The following TNXB variants were observed in gnomAD, a reference collection of about 807,000 sequenced individuals.
TNXB encodes the protein tenascin XB.
In TNXB, 183 loss-of-function variants were observed where a neutral mutation model predicts 340.5. The ratio of observed to expected loss-of-function variants is 0.54; its 90% CI spans 0.48 to 0.61. TNXB has a LOEUF of 0.61. Ranked by LOEUF, TNXB falls within the 20% of genes least tolerant of loss-of-function variation. TNXB has a pLI of 0.00. For synonymous variants in TNXB, 2,121 were observed against 2,314.5 expected (o/e 0.92, Z 2.40); for missense variants, 4,613 against 5,446.4 (o/e 0.85, Z 4.82).
rs1776952074 is a variant in TNXB, at chr6:32,047,249, C to T, written c.10324+485G>A. ...GAGTGGGGTGAGGGTCGGTGACCCA[C>T]CACACCCCTTCCTCAGGGAGCTGAG... On this transcript the variant is annotated intron_variant, in intron 30 of 43. Transcript: ENST00000644971. The surrounding 1 kb of genome is among the most constrained non-coding windows in gnomAD (Gnocchi z 6.2). 6.6e-6 allele frequency among the ~76,000 whole-genome samples: 1 copy of T among 152,256 alleles called. No homozygotes were observed. Among genetic ancestry groups the T allele is most frequent in the African/African-American group, 2.4e-5 (1 of 41,466 alleles).
chr6:32,093,110 T>C (rs1345598519), intron 4 of TNXB: 1 of 482,496 alleles, frequency 2.1e-6, no homozygotes, highest in African/African-American at 2.0e-5. Context: ...CAAGTGTTTA[T>C]TTTAATTCTT....
rs925903249 is a variant in TNXB at position 32,079,743 on chromosome 6, C to T, written c.4043-378G>A. On this transcript the variant is annotated intron_variant, in intron 10 of 43. Transcript: ENST00000644971. The surrounding 1 kb of genome is among the most constrained non-coding windows in gnomAD (Gnocchi z 7.1). ...CCCCACCCCTCATATGAGGATCTGA[C>T]CATGGAATGTGCTCTTGCTGTGGCC... is the stretch of plus-strand genomic sequence containing the variant. Among the ~76,000 whole-genome samples the T allele has an allele frequency of 6.6e-6, 1 of 152,190 alleles. No individual in the cohort carries two copies. Among genetic ancestry groups the T allele is most frequent in the African/African-American group, 2.4e-5 (1 of 41,430 alleles).
chr6:32,089,141 C>T lies in TNXB; in HGVS notation c.2515+82G>A. 1 of 1,568,824 alleles carries T rather than the reference C, an allele frequency of 6.4e-7. No individual in the cohort carries two copies. ...AGCCTAGCCCCCATCCAGCCCCTTC[C>T]TTCTGCCCTCCCGGAGGGCAGATTC... On this transcript the variant is annotated intron_variant, in intron 5 of 43. Coordinates refer to ENST00000644971, the MANE Select transcript of TNXB (RefSeq NM_001365276.2). The surrounding 1 kb of genome is among the most constrained non-coding windows in gnomAD (Gnocchi z 6.2).
intron 11 of TNXB, among the ~76,000 whole-genome samples, chr6:32,077,573 G>A (rs1379784727): frequency 6.6e-6 from 1 of 152,262 alleles, no homozygotes; most frequent in African/African-American, 2.4e-5. Flanking sequence ...GGGTCCCAGA[G>A]GCACTGCTGT....
At position 32,072,881 on chromosome 6, in the gene TNXB, G is replaced by C. The variant is rs1464518141; in HGVS notation, c.4682-583C>G. On this transcript the variant is annotated intron_variant, in intron 12 of 43. Coordinates refer to ENST00000644971, the MANE Select transcript of TNXB (RefSeq NM_001365276.2). This position sits in a 1 kb window ranked among gnomAD's most constrained non-coding sequence, Gnocchi z 4.4. ...CAGGAGAATTGCTTGAACTTGGGAA[G>C]CGGAGGTTGCAGTGAGCCGAGATCG... 6.6e-6 allele frequency among the ~76,000 whole-genome samples: 1 copy of C among 152,224 alleles called. No homozygotes were observed. The highest frequency in any genetic ancestry group is 1.5e-5 in the Non-Finnish European group (1 of 68,038).
Position 32,068,799 on chromosome 6 carries a change from G to A in TNXB, c.5902+23C>T, listed in dbSNP as rs1350397053. ...GGACTCTCCCAGCCATCTGAAAGGA[G>A]GCATAGTGGGCAGAGTTCTCACCTG... On this transcript the variant is annotated intron_variant, in intron 16 of 43. Coordinates refer to ENST00000644971, the MANE Select transcript of TNXB (RefSeq NM_001365276.2). The surrounding 1 kb of genome is among the most constrained non-coding windows in gnomAD (Gnocchi z 5.3). The A allele has an allele frequency of 6.3e-7, 1 of 1,594,682 alleles. No homozygotes were observed.
rs1780442053 is a variant in TNXB, at chr6:32,097,033, C to T, written c.820G>A (p.Asp274Asn). Residue 274 changes from aspartate to asparagine, a missense_variant, in exon 3 of 44, where the codon GAC (aspartate) becomes AAC (asparagine). Asp to Asn is a conservative substitution (Grantham distance 23). Coordinates refer to ENST00000644971, the MANE Select transcript of TNXB (RefSeq NM_001365276.2). The surrounding 1 kb of genome is among the most constrained non-coding windows in gnomAD (Gnocchi z 5.9). ...CVCDPGYTGD[D>N]CGMRSCPRGC... ...CGAGGGCAGCTCCTCATGCCACAGT[C>T]GTCACCAGTGTAGCCTGGGTCACAC... 7 of 1,613,660 alleles carry T rather than the reference C, an allele frequency of 4.3e-6. No individual in the cohort carries two copies. Among genetic ancestry groups the T allele is most frequent in the African/African-American group, 1.3e-5 (1 of 74,992 alleles).
Position 32,067,562 on chromosome 6 carries a change from A to T in TNXB, c.6544+99T>A. On this transcript the variant is annotated intron_variant, in intron 18 of 43. Transcript: ENST00000644971. The surrounding 1 kb of genome is among the most constrained non-coding windows in gnomAD (Gnocchi z 4.2). ...GCCTTTAGTGAACAGGGTGTATTAC[A>T]GGTTTGAGGTCTTGGGGTTCTGGGT... 7.0e-7 allele frequency: 1 copy of T among 1,437,570 alleles called. No homozygotes were observed. The highest frequency in any genetic ancestry group is 2.4e-5 in the East Asian group (1 of 41,468). The allele number at this position is 1,437,570 out of a possible 1,614,324, so 89.1% of individuals were successfully genotyped here.
rs1294184751 is a variant in TNXB, at chr6:32,080,496, C to CACTG, written c.4042+868_4042+871dup. On this transcript the variant is annotated intron_variant, in intron 10 of 43. Coordinates refer to ENST00000644971, the MANE Select transcript of TNXB (RefSeq NM_001365276.2). This position sits in a 1 kb window ranked among gnomAD's most constrained non-coding sequence, Gnocchi z 4.3. Reference sequence around the variant, plus strand: ...AAATGCTGGGATTACAGGCATGAGCCACTGTGCCTGGCCTTTCTAAGTGTT... The same window carrying CACTG: ...AAATGCTGGGATTACAGGCATGAGCCACTGACTGTGCCTGGCCTTTCTAAGTGTT... 6.6e-6 allele frequency among the ~76,000 whole-genome samples: 1 copy of CACTG among 152,236 alleles called. No homozygotes were observed. The highest frequency in any genetic ancestry group is 1.5e-5 in the Non-Finnish European group (1 of 68,044).
rs976027241 is a variant in TNXB at position 32,085,235 on chromosome 6, C to T, written c.3148+515G>A. 6.6e-6 allele frequency among the ~76,000 whole-genome samples: 1 copy of T among 152,118 alleles called. No individual in the cohort carries two copies. The highest frequency in any genetic ancestry group is 1.5e-5 in the Non-Finnish European group (1 of 68,036). On this transcript the variant is annotated intron_variant, in intron 7 of 43. Coordinates refer to ENST00000644971, the MANE Select transcript of TNXB (RefSeq NM_001365276.2). This position sits in a 1 kb window ranked among gnomAD's most constrained non-coding sequence, Gnocchi z 6.4. The stretch of plus-strand genomic sequence containing the variant: ...GTCTGAAGTCCTGATGGCTGTGGAG[C>T]CCCCTGCCCCAAGGAGCCTTCACCC...
chr6:32,079,839 A>G lies in TNXB; in HGVS notation c.4043-474T>C, dbSNP rs1176510986. On this transcript the variant is annotated intron_variant, in intron 10 of 43. Transcript: ENST00000644971. This position sits in a 1 kb window ranked among gnomAD's most constrained non-coding sequence, Gnocchi z 7.1. ...GAATTGCTAAGGCAGGGCTCCAGGC[A>G]TGAGTGGGAGAAAAATTCTGGGGTG... Among the ~76,000 whole-genome samples, 4 of 152,068 alleles carry G rather than the reference A, an allele frequency of 2.6e-5. No homozygotes were observed. In the East Asian group the frequency reaches 7.7e-4, roughly 29 times the overall value.
rs1035272644 is a variant in TNXB, at chr6:32,052,690, A to G, written c.9095T>C (p.Val3032Ala). ...CTCACCTGTCACACCCACAGCGGAC[A>G]CTGGGCCCACGCGCTGCCCCTCGTG... ...GLHEGQRVGP[V>A]SAVGVTAPKD... The change falls in exon 26 of 44, where the codon GTG becomes GCG. Residue 3032 changes from valine (V) to alanine (A), a missense_variant. Coordinates refer to ENST00000644971, the MANE Select transcript of TNXB (RefSeq NM_001365276.2). The surrounding 1 kb of genome is among the most constrained non-coding windows in gnomAD (Gnocchi z 4.7). The G allele has an allele frequency of 1.9e-6, 3 of 1,613,414 alleles. No individual in the cohort carries two copies. The Admixed American group carries it at 5.0e-5, about 27-fold the overall frequency.
chr6:32,108,248 A>G lies in TNXB; in HGVS notation c.-9+933T>C, dbSNP rs1378310632. 6.6e-6 allele frequency among the ~76,000 whole-genome samples: 1 copy of G among 152,138 alleles called. No homozygotes were observed. The highest frequency in any genetic ancestry group is 1.5e-5 in the Non-Finnish European group (1 of 68,002). On this transcript the variant is annotated intron_variant, in intron 1 of 43. Transcript: ENST00000644971. This position sits in a 1 kb window ranked among gnomAD's most constrained non-coding sequence, Gnocchi z 4.8. Reference sequence around the variant, plus strand: ...TGGTGTTTCCGAGTTGCTTCCCAGTAGTTCCTCTCAGTTCCACTTCCAGTT... The same window carrying G: ...TGGTGTTTCCGAGTTGCTTCCCAGTGGTTCCTCTCAGTTCCACTTCCAGTT...
chr6:32,069,238 A>G lies in TNXB; in HGVS notation c.5588-102T>C, dbSNP rs1236337463. The G allele has an allele frequency of 2.5e-6, 3 of 1,205,788 alleles. No homozygotes were observed. The African/African-American group carries it at 4.6e-5, about 18-fold the overall frequency. 74.7% of individuals were successfully genotyped at this position (1,205,788 alleles called of 1,614,324 possible). A position where few individuals can be genotyped will look rare whatever the true frequency, so the allele number is the denominator to read the frequency against. The stretch of plus-strand genomic sequence containing the variant: ...GAGGGAGTGAGGGCAAGCAGTCAGC[A>G]ATCGAAAGACCAGCTTTTGCTGCAC... On this transcript the variant is annotated intron_variant, in intron 15 of 43. Coordinates refer to ENST00000644971, the MANE Select transcript of TNXB (RefSeq NM_001365276.2). The surrounding 1 kb of genome is among the most constrained non-coding windows in gnomAD (Gnocchi z 6.2).
In TNXB at chr6:32,056,648, A is replaced by C; in HGVS notation, c.8081T>G (p.Met2694Arg). 6.2e-7 allele frequency: 1 copy of C among 1,613,118 alleles called. No homozygotes were observed. The highest frequency in any genetic ancestry group is 1.1e-5 in the South Asian group (1 of 91,086). ...GCCACCGTGGAAGCCGTACAGGTTC[A>C]TCTTGTATTTATGGTCTGGCTCCAG... is the stretch of plus-strand genomic sequence containing the variant. ...SGLEPDHKYK[M>R]NLYGFHGGQR... Residue 2694 changes from methionine to arginine, a missense_variant, in exon 23 of 44, where the codon ATG (methionine) becomes AGG (arginine). By Grantham distance (91) the Met-to-Arg change is moderately conservative. This residue lies in a region of TNXB where 4,327 missense variants were observed against 4,859.4 expected (regional missense o/e 0.89). Transcript: ENST00000644971.
rs895586312 is a variant in TNXB at position 32,095,155 on chromosome 6, A to C, written c.2279T>G (p.Leu760Trp). 19 of 1,550,186 alleles carry C rather than the reference A, an allele frequency of 1.2e-5. No homozygotes were observed. Among genetic ancestry groups the C allele is most frequent in the Admixed American group, 2.0e-5 (1 of 50,998 alleles). ...CTCTGTCCGAACTGTTGTCTCCTCC[A>C]AGAGATGCATCCTCATGCCCTCAAT... ...PTIEGMRMHL[L>W]EETTVRTEWT... is the part of the protein sequence containing the mutation. The change falls in exon 4 of 44, where the codon TTG (leucine) becomes TGG (tryptophan). Residue 760 changes from leucine (L) to tryptophan (W), a missense_variant. Around this residue, in one of 7 missense-constraint regions of TNXB, gnomAD observed 4,327 missense variants for 4,859.4 expected, o/e 0.89. Coordinates refer to ENST00000644971, the MANE Select transcript of TNXB (RefSeq NM_001365276.2).
Position 32,073,636 on chromosome 6 carries a change from C to T in TNXB, c.4681+11G>A, listed in dbSNP as rs1372265859. On this transcript the variant is annotated intron_variant, in intron 12 of 43. Coordinates refer to ENST00000644971, the MANE Select transcript of TNXB (RefSeq NM_001365276.2). The surrounding 1 kb of genome is among the most constrained non-coding windows in gnomAD (Gnocchi z 4.6). ...AACCAGAGATGAGGACTGAGTCCCC[C>T]CATTACTCACCCGTCACGATGACCA... is the stretch of plus-strand genomic sequence containing the variant. 2.5e-6 allele frequency: 4 copies of T among 1,602,686 alleles called. No individual in the cohort carries two copies. The highest frequency in any genetic ancestry group is 3.4e-6 in the Non-Finnish European group (4 of 1,174,312).
intron 18 of TNXB, among the ~76,000 whole-genome samples, chr6:32,065,460 A>G (rs1290017865): frequency 6.6e-6 from 1 of 152,012 alleles, no homozygotes; most frequent in African/African-American, 2.4e-5. Flanking sequence ...AGTTTTCTCA[A>G]TTGCAATGTA....
chr6:32,107,051 C>G (rs1407327560), intron 1 of TNXB, among the ~76,000 whole-genome samples: 1 of 152,220 alleles, frequency 6.6e-6, no homozygotes, highest in Non-Finnish European at 1.5e-5. Context: ...TTGGGTGATG[C>G]CTAAGAAGGC....
Sources: allele counts gnomAD v4.1 joint callset (sites outside exome capture counted in the v4.1 genomes callset), GRCh38; gene constraint gnomAD v4.1.1; regional missense constraint gnomAD v4.1.1; non-coding constraint Gnocchi (gnomAD v3.1); transcripts MANE v1.5; gene names NCBI Gene and HGNC (gene_info 2026-07-23, HGNC 2026-07-21).